CCDC198: variants seen among roughly 807,000 people sequenced by gnomAD.
CCDC198 encodes coiled-coil domain containing 198, also known as factor associated with metabolism and energy.
Under a neutral mutation model 35.6 loss-of-function variants are expected in CCDC198, and 18 were observed. The observed-to-expected ratio is 0.51, with a 90% confidence interval of 0.35 to 0.75. The LOEUF is 0.75. CCDC198 is among the 30% of genes least tolerant of loss of function. The probability of loss-of-function intolerance (pLI) is 0.01; values close to 1 mark genes in which losing one functional copy is unlikely to be tolerated. For missense variants in CCDC198, 365 were observed against 343.7 expected, an observed-to-expected ratio of 1.06 and a Z score of -0.49; for synonymous variants, 119 against 113.4, an observed-to-expected ratio of 1.05 and a Z score of -0.31.
intron 5 of CCDC198, among the ~76,000 whole-genome samples, chr14:57,475,876 A>G (rs2066980295): frequency 8.5e-6 from 1 of 117,450 alleles, no homozygotes; most frequent in Admixed American, 1.3e-4. Context: ...ATCTCGGCTT[A>G]CTGCAACCTC....
chr14:57,472,028 A>G (rs1420920947), intron 5 of CCDC198, among the ~76,000 whole-genome samples: 1 of 152,032 alleles, frequency 6.6e-6, no homozygotes, highest in Non-Finnish European at 1.5e-5. Context: ...ACTACAATAC[A>G]ATTATTACAC....
At chr14:57,490,215 G>A (rs900082212) in intron 2 of CCDC198, among the ~76,000 whole-genome samples, 12 of 152,238 alleles carry the variant, frequency 7.9e-5, no homozygotes, top group Admixed American at 5.2e-4. Flanking sequence ...GCTCACAAGA[G>A]AGCCCCAAAC....
At chr14:57,485,525 T>C (rs1256424094) in intron 2 of CCDC198, among the ~76,000 whole-genome samples, 1 of 152,208 alleles carries the variant, frequency 6.6e-6, no homozygotes, top group Non-Finnish European at 1.5e-5. Context: ...GATTTGGAAG[T>C]TAACTTGGCT....
At chr14:57,488,602 G>A (rs1349073941) in intron 2 of CCDC198, among the ~76,000 whole-genome samples, 1 of 152,064 alleles carries the variant, frequency 6.6e-6, no homozygotes, top group South Asian at 2.1e-4. Flanking sequence ...CTACAGAATG[G>A]GAGAAAATTT....
At chr14:57,487,598 GC>G (rs1026831826) in intron 2 of CCDC198, among the ~76,000 whole-genome samples, 4 of 152,126 alleles carry the variant, frequency 2.6e-5, no homozygotes, top group African/African-American at 9.7e-5. Flanking sequence ...GAGTTCCCTG[GC>G]AGAGGCTCTC....
At chr14:57,476,679 C>T (rs2067008689) in intron 5 of CCDC198, among the ~76,000 whole-genome samples, 1 of 152,118 alleles carries the variant, frequency 6.6e-6, no homozygotes, top group African/African-American at 2.4e-5. Flanking sequence ...CACAAGAGAG[C>T]CACAACCCTC....
chr14:57,481,517 G>A (rs1220223588), intron 4 of CCDC198, 42 bp downstream of exon 4: 1 of 1,324,084 alleles, frequency 7.6e-7, no homozygotes, highest in Non-Finnish European at 1.1e-6. Flanking sequence ...CAGTGATTAT[G>A]TGATGAAAAT....
chr14:57,481,148 TG>T (rs769118446), intron 4 of CCDC198, among the ~76,000 whole-genome samples: 5 of 152,142 alleles, frequency 3.3e-5, no homozygotes, highest in Non-Finnish European at 7.4e-5. Flanking sequence ...GTTGGTTGGT[TG>T]TTTTTTTTAC....
Position 57,474,821 on chromosome 14 carries a change from T to A in CCDC198, c.656-3231A>T, listed in dbSNP as rs1199455876. 3.9e-5 allele frequency among the ~76,000 whole-genome samples: 6 copies of A among 152,326 alleles called. No homozygotes were observed. The East Asian group carries it at 1.2e-3, about 29-fold the overall frequency. On this transcript the variant is annotated intron_variant, in intron 5 of 5. Coordinates refer to ENST00000216445, the MANE Select transcript of CCDC198 (RefSeq NM_018168.4). ...TTTAGGGAGAGAGGAAAGCAACAGC[T>A]GTCAGTGGGAAAAATAGGAAGTGAT...
At position 57,470,357 on chromosome 14, in the gene CCDC198, CAG is replaced by C. The variant is rs1252717191; in HGVS notation, c.*996_*997del. The C allele has an allele frequency of 1.3e-5, 2 of 152,086 alleles. No homozygotes were observed. The highest frequency in any genetic ancestry group is 2.9e-5 in the Non-Finnish European group (2 of 68,028). 9.4% of individuals were successfully genotyped at this position (152,086 alleles called of 1,614,324 possible). A position where few individuals can be genotyped will look rare whatever the true frequency, so the allele number is the denominator to read the frequency against. On this transcript the variant is annotated 3_prime_UTR_variant, in exon 6 of 6. Coordinates refer to ENST00000216445, the MANE Select transcript of CCDC198 (RefSeq NM_018168.4). ...GGTTTTTTGTTTTTTAATTTTGAGA[CAG>C]AGTCTCATTCTGTCGCCCAGGCTGG...
chr14:57,478,661 G>A (rs1258511940), intron 5 of CCDC198: 1 of 994,078 alleles, frequency 1.0e-6, no homozygotes, highest in Non-Finnish European at 1.2e-6. Flanking sequence ...TTTTTTCTTG[G>A]TTGTTTTGTG....
Position 57,480,604 on chromosome 14 carries a change from T to C in CCDC198, c.646A>G (p.Arg216Gly). 6.2e-7 allele frequency: 1 copy of C among 1,613,794 alleles called. No homozygotes were observed. The highest frequency in any genetic ancestry group is 8.5e-7 in the Non-Finnish European group (1 of 1,179,936). Residue 216 changes from arginine to glycine, a missense_variant, in exon 5 of 6, where the codon AGA becomes GGA. Arg to Gly is a moderately radical substitution (Grantham distance 125, BLOSUM62 -2). Transcript: ENST00000216445. ...ATTGTACATGACTCACCGGGACCTC[T>C]GTTCAAGATTTCATCAGGCAACATG... is the stretch of plus-strand genomic sequence containing the variant. ...LTMLPDEILN[R>G]GPGNSKNTEF... is the part of the protein sequence containing the mutation.
chr14:57,491,807 C>T (rs931835332), intron 1 of CCDC198, among the ~76,000 whole-genome samples: 10 of 152,188 alleles, frequency 6.6e-5, no homozygotes, highest in South Asian at 6.2e-4. Context: ...AATCTGGACA[C>T]ATTCTGACTT....
At chr14:57,477,486 T>TCACACA (rs138711664) in intron 5 of CCDC198, among the ~76,000 whole-genome samples, 7 of 150,864 alleles carry the variant, frequency 4.6e-5, no homozygotes, top group Non-Finnish European at 8.9e-5. Flanking sequence ...CACGTGTATC[T>TCACACA]CACACACACA....
chr14:57,471,403 G>T lies in CCDC198; in HGVS notation c.843C>A (p.Thr281=), dbSNP rs766785879. 1.2e-6 allele frequency: 2 copies of T among 1,613,770 alleles called. No individual in the cohort carries two copies. The highest frequency in any genetic ancestry group is 1.7e-5 in the Admixed American group (1 of 59,958). ...CGAAAAGTGGGATTCTCTCTGTCCT[G>T]GTCCTCACCAGTGCTCGTGGCTTCT... ...DEKKPRALVR[T]RTERIPLFDE... Residue 281 remains threonine (T), a synonymous_variant, in exon 6 of 6, where the codon ACC becomes ACA. Coordinates refer to ENST00000216445, the MANE Select transcript of CCDC198 (RefSeq NM_018168.4).
At chr14:57,493,449 C>A in intron 1 of CCDC198, 44 bp downstream of exon 1, 1 of 1,498,542 alleles carries the variant, frequency 6.7e-7, no homozygotes, top group South Asian at 1.1e-5. Flanking sequence ...TAATAATGCT[C>A]CTTGGTCCAG....
At position 57,493,682 on chromosome 14, in the gene CCDC198, C is replaced by T. The variant is rs751396552; in HGVS notation, c.34G>A (p.Val12Met). 1.2e-6 allele frequency: 2 copies of T among 1,613,664 alleles called. No individual in the cohort carries two copies. The highest frequency in any genetic ancestry group is 1.7e-6 in the Non-Finnish European group (2 of 1,179,820). ...TTTTGCAAAGGTGCTACTTTGATCA[C>T]CCTAAGGTGAGTCTTAGAGTGACTC... is the stretch of plus-strand genomic sequence containing the variant. ...GLSHSKTHLRVIKVAPLQNKE... is the reference protein window; with the variant it reads ...GLSHSKTHLRMIKVAPLQNKE... The change falls in exon 1 of 6, where the codon GTG (valine) becomes ATG (methionine). Residue 12 changes from valine to methionine, a missense_variant. Val to Met is a conservative substitution (Grantham distance 21, BLOSUM62 1). Transcript: ENST00000216445.
chr14:57,492,132 C>T (rs867967318), intron 1 of CCDC198, among the ~76,000 whole-genome samples: 5 of 152,016 alleles, frequency 3.3e-5, no homozygotes, highest in African/African-American at 9.6e-5. Context: ...AGATTTTCCT[C>T]AACTGGCATA....
chr14:57,472,766 G>A (rs1390110041), intron 5 of CCDC198, among the ~76,000 whole-genome samples: 1 of 152,122 alleles, frequency 6.6e-6, no homozygotes, highest in Non-Finnish European at 1.5e-5. Context: ...GCAGTTCCCA[G>A]CATTCTTTAT....
Sources: allele counts gnomAD v4.1 joint callset (sites outside exome capture counted in the v4.1 genomes callset), GRCh38; gene constraint gnomAD v4.1.1; transcripts MANE v1.5; gene names NCBI Gene and HGNC (gene_info 2026-07-23, HGNC 2026-07-21).